THSD4: variants seen among roughly 807,000 people sequenced by gnomAD.
THSD4 encodes thrombospondin type-1 domain-containing protein 4.
Under a neutral mutation model 119.0 loss-of-function variants are expected in THSD4, and 69 were observed. The ratio of observed to expected loss-of-function variants is 0.58; its 90% CI spans 0.48 to 0.71. THSD4 has a LOEUF of 0.71. THSD4 is among the 30% of genes least tolerant of loss of function. THSD4 has a pLI of 0.00. For missense variants in THSD4, 1,393 were observed against 1,391.1 expected, an observed-to-expected ratio of 1.00 and a Z score of -0.02; for synonymous variants, 524 against 540.4, an observed-to-expected ratio of 0.97 and a Z score of 0.42.
At chr15:71,560,970 C>CT (rs11292320) in intron 7 of THSD4, among the ~76,000 whole-genome samples, 29 of 123,974 alleles carry the variant, frequency 2.3e-4, no homozygotes, top group Admixed American at 1.1e-3. Flanking sequence ...TTCTCTTTAT[C>CT]TTTTTTTTTT....
chr15:71,318,652 A>G (rs2045223758), intron 6 of THSD4, among the ~76,000 whole-genome samples: 1 of 152,144 alleles, frequency 6.6e-6, no homozygotes, highest in Non-Finnish European at 1.5e-5. Flanking sequence ...GACTCAGCCC[A>G]TCAGCAATCA....
intron 7 of THSD4, among the ~76,000 whole-genome samples, chr15:71,430,630 G>A (rs1319226313): frequency 1.3e-5 from 2 of 151,710 alleles, no homozygotes; most frequent in Non-Finnish European, 2.9e-5. Context: ...GGTGGTGCCC[G>A]CCTCTAATCC....
chr15:71,726,930 G>A (rs1306939152), intron 8 of THSD4, among the ~76,000 whole-genome samples: 4 of 147,532 alleles, frequency 2.7e-5, no homozygotes, highest in Non-Finnish European at 4.5e-5. Context: ...AGAACGAAAC[G>A]CCATCTCAAA....
At chr15:71,255,099 A>G (rs568414099) in intron 5 of THSD4, among the ~76,000 whole-genome samples, 2 of 152,296 alleles carry the variant, frequency 1.3e-5, no homozygotes, top group South Asian at 4.2e-4. Flanking sequence ...TTTCTGATAC[A>G]TACAGTAGAT....
intron 4 of THSD4, among the ~76,000 whole-genome samples, chr15:71,227,471 A>G (rs956252761): frequency 2.0e-5 from 3 of 152,124 alleles, no homozygotes; most frequent in African/African-American, 7.2e-5. Context: ...GGAGGAAGGA[A>G]TTTCCCGCAT....
intron 7 of THSD4, among the ~76,000 whole-genome samples, chr15:71,625,166 C>A (rs924667705): frequency 2.0e-5 from 3 of 152,132 alleles, no homozygotes; most frequent in African/African-American, 4.8e-5. Flanking sequence ...ACTACCACCC[C>A]CCGGCTAATT....
intron 6 of THSD4, among the ~76,000 whole-genome samples, chr15:71,391,996 C>T (rs1254551523): frequency 6.6e-6 from 1 of 152,168 alleles, no homozygotes; most frequent in Non-Finnish European, 1.5e-5. Flanking sequence ...GAACCCATCT[C>T]CCTACTCTTC....
intron 6 of THSD4, among the ~76,000 whole-genome samples, chr15:71,300,274 T>C (rs1270252322): frequency 1.3e-5 from 2 of 152,114 alleles, no homozygotes; most frequent in Non-Finnish European, 2.9e-5. Flanking sequence ...GAAGGCATTT[T>C]GATGAACCTC....
intron 7 of THSD4, among the ~76,000 whole-genome samples, chr15:71,588,578 C>G (rs1567050271): frequency 6.6e-6 from 1 of 151,950 alleles, no homozygotes; most frequent in Non-Finnish European, 1.5e-5. Context: ...CATGTGCCAC[C>G]ACACCCGGCT....
At chr15:71,382,707 T>A (rs182563154) in intron 6 of THSD4, among the ~76,000 whole-genome samples, 18 of 152,316 alleles carry the variant, frequency 1.2e-4, no homozygotes, top group Non-Finnish European at 2.9e-5. Flanking sequence ...CTATTAACTT[T>A]AATTTCTCAT....
At chr15:71,671,169 T>C (rs1249509248) in intron 8 of THSD4, among the ~76,000 whole-genome samples, 4 of 152,196 alleles carry the variant, frequency 2.6e-5, no homozygotes, top group African/African-American at 4.8e-5. Flanking sequence ...TTTTAATGAT[T>C]GCCATTCTAA....
chr15:71,141,570 C>CT lies in THSD4; in HGVS notation c.29+21dup. The stretch of plus-strand genomic sequence containing the variant: ...GGGGTCTCTCAGGTAAGTGAAGAAA[C>CT]TTTTTTTAAAAAAACAGGAGAATAA... On this transcript the variant is annotated intron_variant, in intron 2 of 17. Coordinates refer to ENST00000261862, the MANE Select transcript of THSD4 (RefSeq NM_024817.3). 7.5e-6 allele frequency: 12 copies of CT among 1,603,600 alleles called. No homozygotes were observed. Among genetic ancestry groups the CT allele is most frequent in the Non-Finnish European group, 9.4e-6 (11 of 1,176,058 alleles).
chr15:71,489,961 T>G (rs956714460), intron 7 of THSD4, among the ~76,000 whole-genome samples: 3 of 152,230 alleles, frequency 2.0e-5, no homozygotes, highest in African/African-American at 7.2e-5. Flanking sequence ...CTTTTTTCCA[T>G]GCTTACATAT....
At chr15:71,712,872 G>T (rs1323503043) in intron 8 of THSD4, among the ~76,000 whole-genome samples, 2 of 152,154 alleles carry the variant, frequency 1.3e-5, no homozygotes, top group East Asian at 1.9e-4. Context: ...TGACATTCTG[G>T]AAAAGGAAAA....
chr15:71,112,174 G>A (rs1209776746), upstream of THSD4: 2 of 1,613,658 alleles, frequency 1.2e-6, no homozygotes, highest in Admixed American at 1.7e-5. Flanking sequence ...GCTGCAGGCT[G>A]GGAACCACAG....
At chr15:71,603,955 C>A (rs1241143592) in intron 7 of THSD4, among the ~76,000 whole-genome samples, 1 of 151,822 alleles carries the variant, frequency 6.6e-6, no homozygotes, top group African/African-American at 2.4e-5. Context: ...TGAATATGGG[C>A]AAGAATTAGA....
At chr15:71,565,912 A>G (rs1253553114) in intron 7 of THSD4, among the ~76,000 whole-genome samples, 1 of 152,160 alleles carries the variant, frequency 6.6e-6, no homozygotes, top group African/African-American at 2.4e-5. Context: ...ATGATGGCAG[A>G]CAGAAGTAAG....
At chr15:71,205,343 G>A (rs912982801) in intron 3 of THSD4, among the ~76,000 whole-genome samples, 1 of 152,194 alleles carries the variant, frequency 6.6e-6, no homozygotes, top group African/African-American at 2.4e-5. Context: ...CTCCAACTGG[G>A]AGGACACAGG....
chr15:71,644,963 A>AT (rs1476023271), intron 7 of THSD4, among the ~76,000 whole-genome samples: 1 of 152,200 alleles, frequency 6.6e-6, no homozygotes, highest in African/African-American at 2.4e-5. Flanking sequence ...TTATGGATTT[A>AT]TAGCCTGCCC....
Sources: gnomAD v4.1 joint callset for allele counts (sites outside exome capture counted in the v4.1 genomes callset) on GRCh38, gnomAD v4.1.1 for gene constraint, MANE v1.5 for transcripts, NCBI Gene and HGNC (gene_info 2026-07-23, HGNC 2026-07-21) for gene names.